ERBB4: variants seen among roughly 807,000 people sequenced by gnomAD.
ERBB4 encodes the protein erb-b2 receptor tyrosine kinase 4, also known as receptor tyrosine-protein kinase erbB-4.
ERBB4 carries 42 observed loss-of-function variants against 158.0 expected under a neutral mutation model. The ratio of observed to expected loss-of-function variants is 0.27; its 90% CI spans 0.21 to 0.34. The LOEUF is 0.34. ERBB4 is among the 10% of genes least tolerant of loss of function. The pLI is 1.00. For synonymous variants in ERBB4, 583 were observed against 558.7 expected (o/e 1.04, Z -0.61); for missense variants, 1,333 against 1,624.1 (o/e 0.82, Z 3.08).
chr2:211,937,836 G>A (rs1221016499), intron 3 of ERBB4, among the ~76,000 whole-genome samples: 3 of 152,050 alleles, frequency 2.0e-5, no homozygotes, highest in African/African-American at 7.2e-5. Flanking sequence ...GATTTTGGTG[G>A]GAACACAGCC....
chr2:212,023,989 T>A (rs1400707683), intron 2 of ERBB4, among the ~76,000 whole-genome samples: 2 of 151,696 alleles, frequency 1.3e-5, no homozygotes, highest in Non-Finnish European at 2.9e-5. Context: ...AGGAGCTCAC[T>A]CCCTTTAGAG....
intron 14 of ERBB4, among the ~76,000 whole-genome samples, chr2:211,669,561 G>A (rs1409891848): frequency 6.6e-6 from 1 of 152,082 alleles, no homozygotes. Flanking sequence ...AAGTAAAGCA[G>A]AGTGAATAAA....
chr2:211,964,988 T>C (rs986078600), intron 2 of ERBB4, among the ~76,000 whole-genome samples: 10 of 152,192 alleles, frequency 6.6e-5, no homozygotes, highest in Admixed American at 6.5e-4. Context: ...TTTTAAAAAA[T>C]GCCTAATTTG....
chr2:211,925,584 T>C lies in ERBB4; in HGVS notation c.421+21846A>G, dbSNP rs140414549. Among the ~76,000 whole-genome samples, 85 of 152,104 alleles carry C rather than the reference T, an allele frequency of 5.6e-4. No homozygotes were observed. In the East Asian group the frequency reaches 0.015, roughly 27 times the overall value. ...TTTTAGTAGAGACAGGGTTTTGCCA[T>C]ATTGTCCAGGCTGATCTCAAACTCC... On this transcript the variant is annotated intron_variant, in intron 3 of 27. Coordinates refer to ENST00000342788, the MANE Select transcript of ERBB4 (RefSeq NM_005235.3).
At chr2:211,734,381 G>C (rs2074531464) in intron 5 of ERBB4, among the ~76,000 whole-genome samples, 1 of 152,016 alleles carries the variant, frequency 6.6e-6, no homozygotes, top group African/African-American at 2.4e-5. Flanking sequence ...ATTGATACAT[G>C]ATTTTTTGAA....
intron 1 of ERBB4, among the ~76,000 whole-genome samples, chr2:212,373,396 G>A (rs1035684971): frequency 1.3e-5 from 2 of 151,950 alleles, no homozygotes; most frequent in South Asian, 2.1e-4. Context: ...CTATTTTTAG[G>A]AGCCATTTTT....
At chr2:212,193,251 G>A (rs1015055858) in intron 1 of ERBB4, among the ~76,000 whole-genome samples, 22 of 152,134 alleles carry the variant, frequency 1.4e-4, no homozygotes, top group African/African-American at 4.8e-4. Context: ...TGTAACGGCT[G>A]AATTGGCATT....
intron 2 of ERBB4, among the ~76,000 whole-genome samples, chr2:212,072,812 G>A (rs1482047891): frequency 6.6e-6 from 1 of 151,924 alleles, no homozygotes; most frequent in Non-Finnish European, 1.5e-5. Context: ...GTAAGCCCCT[G>A]TTTCATGGAG....
chr2:211,854,945 C>T (rs977937368), intron 3 of ERBB4, among the ~76,000 whole-genome samples: 5 of 152,104 alleles, frequency 3.3e-5, no homozygotes, highest in Non-Finnish European at 5.9e-5. Flanking sequence ...CGCAGTTTCC[C>T]AAAGTGGATG....
rs544708071 is a variant in ERBB4, at chr2:211,490,552, C to T, written c.2488-59452G>A. Among the ~76,000 whole-genome samples, 9 of 152,024 alleles carry T rather than the reference C, an allele frequency of 5.9e-5. No homozygotes were observed. The East Asian group carries it at 1.5e-3, about 26-fold the overall frequency. On this transcript the variant is annotated intron_variant, in intron 20 of 27. Coordinates refer to ENST00000342788, the MANE Select transcript of ERBB4 (RefSeq NM_005235.3). ...AAGATAATGAGTTTATATAACTCAC[C>T]TATTGTAAATCATGAGCGACCTAGA...
chr2:211,656,643 C>G (rs2071229312), intron 16 of ERBB4, among the ~76,000 whole-genome samples: 1 of 152,138 alleles, frequency 6.6e-6, no homozygotes, highest in Admixed American at 6.5e-5. Flanking sequence ...CAACCTTATC[C>G]TCCGATCTCC....
chr2:211,603,689 T>A (rs1407504052), intron 19 of ERBB4, among the ~76,000 whole-genome samples: 1 of 152,156 alleles, frequency 6.6e-6, no homozygotes, highest in East Asian at 1.9e-4. Context: ...AGCAGCCATT[T>A]TGAAAAATGG....
At chr2:211,958,824 A>G (rs965882051) in intron 2 of ERBB4, among the ~76,000 whole-genome samples, 5 of 152,100 alleles carry the variant, frequency 3.3e-5, no homozygotes, top group Non-Finnish European at 1.5e-5. Flanking sequence ...TCTCAAAAGT[A>G]ACTGCAGCAT....
chr2:211,888,478 T>C (rs1044834423), intron 3 of ERBB4, among the ~76,000 whole-genome samples: 2 of 152,248 alleles, frequency 1.3e-5, no homozygotes, highest in Non-Finnish European at 2.9e-5. Context: ...TAATCAATTT[T>C]ATTTTTGTTT....
intron 20 of ERBB4, among the ~76,000 whole-genome samples, chr2:211,535,088 A>G (rs2066608867): frequency 6.6e-6 from 1 of 152,066 alleles, no homozygotes; most frequent in South Asian, 2.1e-4. Flanking sequence ...TTATTGTTAC[A>G]GTCACCTTTG....
At chr2:211,753,220 T>G (rs2075186000) in intron 4 of ERBB4, among the ~76,000 whole-genome samples, 1 of 152,112 alleles carries the variant, frequency 6.6e-6, no homozygotes, top group Admixed American at 6.5e-5. Flanking sequence ...TTAGTTTGAT[T>G]CTTGTAGATA....
intron 2 of ERBB4, among the ~76,000 whole-genome samples, chr2:212,019,000 A>G (rs563619967): frequency 6.6e-6 from 1 of 152,248 alleles, no homozygotes; most frequent in African/African-American, 2.4e-5. Context: ...AACTACTGTC[A>G]TCTTATCTCT....
At chr2:212,018,891 A>G (rs2076584370) in intron 2 of ERBB4, among the ~76,000 whole-genome samples, 1 of 152,176 alleles carries the variant, frequency 6.6e-6, no homozygotes, top group Non-Finnish European at 1.5e-5. Flanking sequence ...AAAGGCATGC[A>G]CAAAGTGTAG....
intron 3 of ERBB4, among the ~76,000 whole-genome samples, chr2:211,795,365 C>G (rs1042732130): frequency 3.3e-5 from 5 of 151,802 alleles, no homozygotes; most frequent in Non-Finnish European, 5.9e-5. Flanking sequence ...CTCACGGTAT[C>G]TGTCGCATAG....
Sources: gnomAD v4.1 joint callset for allele counts (sites outside exome capture counted in the v4.1 genomes callset) on GRCh38, gnomAD v4.1.1 for gene constraint, MANE v1.5 for transcripts, NCBI Gene and HGNC (gene_info 2026-07-23, HGNC 2026-07-21) for gene names.